LRBA: variants seen among roughly 807,000 people sequenced by gnomAD.
The protein encoded by LRBA is lipopolysaccharide-responsive and beige-like anchor protein.
Under a neutral mutation model 330.0 loss-of-function variants are expected in LRBA, and 176 were observed. The ratio of observed to expected loss-of-function variants is 0.53; its 90% confidence interval spans 0.47 to 0.60. LRBA has a LOEUF of 0.60. Among genes scored for constraint, LRBA ranks in the 20% least tolerant of loss-of-function variants. LRBA has a pLI of 0.00. For synonymous variants in LRBA, 1,230 were observed against 1,193.0 expected, an observed-to-expected ratio of 1.03 and a Z score of -0.64; for missense variants, 3,259 against 3,444.8, an observed-to-expected ratio of 0.95 and a Z score of 1.35.
At chr4:150,442,169 C>G (rs1751928800) in intron 44 of LRBA, among the ~76,000 whole-genome samples, 2 of 152,100 alleles carry the variant, frequency 1.3e-5, no homozygotes, top group African/African-American at 4.8e-5. Flanking sequence ...TAGCTAACTT[C>G]TCTTTTAAAA....
intron 28 of LRBA, among the ~76,000 whole-genome samples, chr4:150,834,309 T>C (rs577603890): frequency 2.0e-5 from 3 of 152,304 alleles, no homozygotes; most frequent in South Asian, 2.1e-4. Flanking sequence ...GGAATTACTA[T>C]CTATAGCAGC....
At chr4:150,785,607 T>G (rs1738935076) in intron 34 of LRBA, among the ~76,000 whole-genome samples, 1 of 152,188 alleles carries the variant, frequency 6.6e-6, no homozygotes, top group South Asian at 2.1e-4. Flanking sequence ...TATATTTCAG[T>G]GTCATAATTT....
At chr4:150,617,685 T>C (rs1775899600) in intron 37 of LRBA, among the ~76,000 whole-genome samples, 1 of 152,212 alleles carries the variant, frequency 6.6e-6, no homozygotes, top group Admixed American at 6.5e-5. Context: ...ACTTAATGTC[T>C]ATGTGAGAGC....
At chr4:150,894,757 G>A (rs1729877302) in intron 16 of LRBA, among the ~76,000 whole-genome samples, 1 of 152,248 alleles carries the variant, frequency 6.6e-6, no homozygotes, top group Admixed American at 6.5e-5. Flanking sequence ...AGGAATCACT[G>A]TGACTTCCAG....
At position 150,870,670 on chromosome 4, in the gene LRBA, T is replaced by G. The variant is rs553976489; in HGVS notation, c.2368-64A>C. 59 of 771,024 alleles carry G rather than the reference T, an allele frequency of 7.7e-5. No homozygotes were observed. The East Asian group carries it at 1.4e-3, about 19-fold the overall frequency. 47.8% of individuals were successfully genotyped at this position (771,024 alleles called of 1,614,324 possible). On this transcript the variant is annotated intron_variant, in intron 19 of 56. Coordinates refer to ENST00000651943, the MANE Select transcript of LRBA (RefSeq NM_001364905.1). ...TGGATTAGCATCACTATTAATGAAC[T>G]TTAAGTGCATCACTATTAATTAACT...
chr4:150,830,150 C>T (rs999513797), intron 29 of LRBA, among the ~76,000 whole-genome samples: 1 of 152,108 alleles, frequency 6.6e-6, no homozygotes, highest in African/African-American at 2.4e-5. Flanking sequence ...TCCTACTGCC[C>T]CATGTCTCCT....
At chr4:150,488,340 AAC>A (rs760295972) in intron 41 of LRBA, among the ~76,000 whole-genome samples, 157 of 151,824 alleles carry the variant, frequency 1.0e-3, no homozygotes, top group Non-Finnish European at 1.0e-3. Flanking sequence ...TAAGTTTTAA[AAC>A]AGTCTTTTTA....
chr4:150,344,543 T>C (rs1205257354), intron 48 of LRBA, among the ~76,000 whole-genome samples: 1 of 152,224 alleles, frequency 6.6e-6, no homozygotes, highest in African/African-American at 2.4e-5. Context: ...AGTGGTTCCC[T>C]ACTGCCTTAT....
chr4:150,401,693 G>T (rs1437482136), intron 47 of LRBA, among the ~76,000 whole-genome samples: 5 of 152,040 alleles, frequency 3.3e-5, no homozygotes, highest in Non-Finnish European at 7.4e-5. Context: ...TTAGACGAAA[G>T]TATTACATCA....
intron 36 of LRBA, among the ~76,000 whole-genome samples, chr4:150,710,445 G>GA (rs1786069782): frequency 6.6e-6 from 1 of 151,864 alleles, no homozygotes; most frequent in African/African-American, 2.4e-5. Context: ...CGGAAAAGAA[G>GA]TCACAAAGAC....
chr4:150,496,887 T>A (rs1435526025), intron 40 of LRBA, among the ~76,000 whole-genome samples: 1 of 152,034 alleles, frequency 6.6e-6, no homozygotes, highest in East Asian at 1.9e-4. Flanking sequence ...TGTAAACTAA[T>A]CATACCATTC....
chr4:150,519,722 C>T (rs183617059), intron 40 of LRBA, among the ~76,000 whole-genome samples: 199 of 152,276 alleles, frequency 1.3e-3, no homozygotes, highest in Non-Finnish European at 2.1e-3. Flanking sequence ...TTAGGAGTGA[C>T]ACTGCTGTTT....
chr4:150,299,949 C>T (rs997371690), intron 53 of LRBA, among the ~76,000 whole-genome samples: 2 of 151,990 alleles, frequency 1.3e-5, no homozygotes, highest in Non-Finnish European at 2.9e-5. Context: ...TACACATAAC[C>T]TAAAACCCTT....
chr4:151,004,150 G>A (rs1246222061), intron 2 of LRBA, among the ~76,000 whole-genome samples: 1 of 152,028 alleles, frequency 6.6e-6, no homozygotes, highest in Non-Finnish European at 1.5e-5. Context: ...GCAATTCTCT[G>A]CCCGGCCTCC....
chr4:150,400,329 A>T (rs1178526973), intron 47 of LRBA, among the ~76,000 whole-genome samples: 1 of 152,178 alleles, frequency 6.6e-6, no homozygotes, highest in East Asian at 1.9e-4. Flanking sequence ...TATGGCACCA[A>T]CTAGAATGTT....
Position 150,321,521 on chromosome 4 carries a change from G to T in LRBA, c.7453-153C>A. ...AAGTGGAAGCACAGTGAGCAGAAAGGCTTGTAGAAACAGCAGTCATGATCT... is the reference window on the plus strand; with the variant it reads ...AAGTGGAAGCACAGTGAGCAGAAAGTCTTGTAGAAACAGCAGTCATGATCT... On this transcript the variant is annotated intron_variant, in intron 49 of 56. Coordinates refer to ENST00000651943, the MANE Select transcript of LRBA (RefSeq NM_001364905.1). The surrounding 1 kb of genome is among the most constrained non-coding windows in gnomAD (Gnocchi z 4.5). 1 of 587,172 alleles carries T rather than the reference G, an allele frequency of 1.7e-6. No individual in the cohort carries two copies. Among genetic ancestry groups the T allele is most frequent in the South Asian group, 2.8e-5 (1 of 35,446 alleles). 36.4% of individuals were successfully genotyped at this position (587,172 alleles called of 1,614,324 possible).
chr4:150,610,545 C>A (rs988150045), intron 37 of LRBA, among the ~76,000 whole-genome samples: 1 of 152,036 alleles, frequency 6.6e-6, no homozygotes, highest in South Asian at 2.1e-4. Flanking sequence ...GCTGAGATTA[C>A]ACCACTGCAC....
intron 17 of LRBA, among the ~76,000 whole-genome samples, chr4:150,879,560 CA>C (rs1218507728): frequency 2.6e-5 from 4 of 151,684 alleles, no homozygotes; most frequent in African/African-American, 9.7e-5. Context: ...CCAAATAGGA[CA>C]AAAAAAATTC....
At chr4:150,845,382 G>A (rs1015988675) in intron 26 of LRBA, among the ~76,000 whole-genome samples, 5 of 152,178 alleles carry the variant, frequency 3.3e-5, no homozygotes, top group African/African-American at 1.2e-4. Context: ...ATGGGAGACA[G>A]GAAAGGGAAT....
Sources: allele counts gnomAD v4.1 joint callset (sites outside exome capture counted in the v4.1 genomes callset), GRCh38; gene constraint gnomAD v4.1.1; non-coding constraint Gnocchi (gnomAD v3.1); transcripts MANE v1.5; gene names NCBI Gene and HGNC (gene_info 2026-07-23, HGNC 2026-07-21).